The following MED28 variants were observed in gnomAD, a reference collection of about 807,000 sequenced individuals.
MED28 encodes the protein mediator complex subunit 28.
MED28 carries 26 observed loss-of-function variants against 21.3 expected under a neutral mutation model. The ratio of observed to expected loss-of-function variants is 1.22; its 90% CI spans 0.89 to 1.69. The LOEUF is 1.69. Among genes scored for constraint, MED28 ranks in the 40% most tolerant of loss-of-function variants. The pLI is 0.00. For missense variants in MED28, 257 were observed against 215.4 expected (o/e 1.19, Z -1.21); for synonymous variants, 110 against 87.6 (o/e 1.26, Z -1.43).
intron 2 of MED28, 130 bp downstream of exon 2, chr4:17,620,097 C>A: frequency 2.5e-6 from 2 of 802,178 alleles, no homozygotes; most frequent in Non-Finnish European, 2.1e-6. Flanking sequence ...AATGTGTGCA[C>A]ATAATCTCTA....
rs1447209452 is a variant in MED28 at position 17,630,278 on chromosome 4, C to T, written c.*6480C>T. The T allele has an allele frequency of 6.6e-6, 1 of 152,136 alleles. No individual in the cohort carries two copies. The highest frequency in any genetic ancestry group is 1.5e-5 in the Non-Finnish European group (1 of 68,022). 9.4% of individuals were successfully genotyped at this position (152,136 alleles called of 1,614,324 possible). On this transcript the variant is annotated 3_prime_UTR_variant, in exon 4 of 4. Transcript: ENST00000237380. Reference sequence around the variant, plus strand: ...TGCTATGTCCTGAATGTTGATGTCCCTTCCAAAATTCATATGTTGGAACCT... The same window carrying T: ...TGCTATGTCCTGAATGTTGATGTCCTTTCCAAAATTCATATGTTGGAACCT...
rs1714807438 is a variant in MED28 at position 17,627,827 on chromosome 4, TCAAAAAA to T, written c.*4030_*4036del. The stretch of plus-strand genomic sequence containing the variant: ...CTGGGTGACAGAGTAAGACTTCGTC[TCAAAAAA>T]TAAAAAATAAAAAAATACTGAGCAG... On this transcript the variant is annotated 3_prime_UTR_variant, in exon 4 of 4. Transcript: ENST00000237380. 1 of 152,268 alleles carries T rather than the reference TCAAAAAA, an allele frequency of 6.6e-6. No individual in the cohort carries two copies. Among genetic ancestry groups the T allele is most frequent in the African/African-American group, 2.4e-5 (1 of 41,420 alleles). The allele number at this position is 152,268 out of a possible 1,614,324, so 9.4% of individuals were successfully genotyped here.
rs1714880992 is a variant in MED28, at chr4:17,630,167, G to C, written c.*6369G>C. 1 of 152,168 alleles carries C rather than the reference G, an allele frequency of 6.6e-6. No homozygotes were observed. The highest frequency in any genetic ancestry group is 2.4e-5 in the African/African-American group (1 of 41,436). 9.4% of individuals were successfully genotyped at this position (152,168 alleles called of 1,614,324 possible). A position where few individuals can be genotyped will look rare whatever the true frequency, so the allele number is the denominator to read the frequency against. On this transcript the variant is annotated 3_prime_UTR_variant, in exon 4 of 4. Coordinates refer to ENST00000237380, the MANE Select transcript of MED28 (RefSeq NM_025205.5). ...GACAGAAATGCAAAGTGCAGCCTGG[G>C]AAAGTGTTTCAACACACAAAAATAG...
rs1172866788 is a variant in MED28 at position 17,625,287 on chromosome 4, G to GTA, written c.*1493_*1494dup. ...TATAATCTGTATCTTTTTGGTGTGT[G>GTA]TATATGGTATCTGGCACATGGATCT... On this transcript the variant is annotated 3_prime_UTR_variant, in exon 4 of 4. Transcript: ENST00000237380. 3 of 173,162 alleles carry GTA rather than the reference G, an allele frequency of 1.7e-5. No homozygotes were observed. The highest frequency in any genetic ancestry group is 3.7e-5 in the Non-Finnish European group (3 of 81,604). 10.7% of individuals were successfully genotyped at this position (173,162 alleles called of 1,614,324 possible).
Position 17,619,897 on chromosome 4 carries a change from A to C in MED28, c.160-4A>C. 1 of 1,613,738 alleles carries C rather than the reference A, an allele frequency of 6.2e-7. No homozygotes were observed. The highest frequency in any genetic ancestry group is 1.3e-5 in the African/African-American group (1 of 75,028). ...TTTTTCTTTCCTATGTTTTGATTAC[A>C]CAGGCTTGCTTTGCATCTCTGGTGA... On this transcript the variant is annotated splice_region_variant and splice_polypyrimidine_tract_variant and intron_variant, in intron 1 of 3. Coordinates refer to ENST00000237380, the MANE Select transcript of MED28 (RefSeq NM_025205.5).
chr4:17,632,454 G>A lies in MED28; in HGVS notation c.*8656G>A. On this transcript the variant is annotated 3_prime_UTR_variant, in exon 4 of 4. Transcript: ENST00000237380. ...TAAGCATATTATTTGGTTGGTTGGT[G>A]TTAGTTCATTCCTTCAATCGGATGA... is the stretch of plus-strand genomic sequence containing the variant. 2 of 1,231,744 alleles carry A rather than the reference G, an allele frequency of 1.6e-6. No individual in the cohort carries two copies. Among genetic ancestry groups the A allele is most frequent in the Non-Finnish European group, 1.1e-6 (1 of 874,346 alleles). 76.3% of individuals were successfully genotyped at this position (1,231,744 alleles called of 1,614,324 possible).
intron 1 of MED28, among the ~76,000 whole-genome samples, chr4:17,617,089 G>C (rs1714474528): frequency 6.6e-6 from 1 of 152,208 alleles, no homozygotes; most frequent in Non-Finnish European, 1.5e-5. Context: ...CATCAAAGAA[G>C]GCTTCCCAGA....
In MED28 at chr4:17,621,391, G is replaced by A. The variant is rs139189586; in HGVS notation, c.227-196G>A. Among the ~76,000 whole-genome samples, 572 of 151,780 alleles carry A rather than the reference G, an allele frequency of 3.8e-3. 7 individuals are homozygous for A. Among genetic ancestry groups the A allele is most frequent in the South Asian group, 0.026 (127 of 4,804 alleles). ...TCTTTTTTTTTTTAACCTGAGAAAA[G>A]CATAACTTATCTGCTGTTTAATGTT... On this transcript the variant is annotated intron_variant, in intron 2 of 3. Transcript: ENST00000237380.
At position 17,625,235 on chromosome 4, in the gene MED28, T is replaced by G. The variant is rs947720587; in HGVS notation, c.*1437T>G. 2.6e-5 allele frequency: 4 copies of G among 153,998 alleles called. No individual in the cohort carries two copies. Among genetic ancestry groups the G allele is most frequent in the African/African-American group, 9.6e-5 (4 of 41,476 alleles). 9.5% of individuals were successfully genotyped at this position (153,998 alleles called of 1,614,324 possible). A position where few individuals can be genotyped will look rare whatever the true frequency, so the allele number is the denominator to read the frequency against. ...ATTCTACACCCATGAGAATTAGACA[T>G]TATTCTCCTTAAATATATAAGGACC... On this transcript the variant is annotated 3_prime_UTR_variant, in exon 4 of 4. Coordinates refer to ENST00000237380, the MANE Select transcript of MED28 (RefSeq NM_025205.5).
rs528186173 is a variant in MED28, at chr4:17,631,361, C to G, written c.*7563C>G. 3 of 152,230 alleles carry G rather than the reference C, an allele frequency of 2.0e-5. No homozygotes were observed. The highest frequency in any genetic ancestry group is 4.4e-5 in the Non-Finnish European group (3 of 68,142). 9.4% of individuals were successfully genotyped at this position (152,230 alleles called of 1,614,324 possible). ...TATTTTTTTGTAGAGATGGAGGTCT[C>G]GCTGTGTTGCCCAGGCTGGTCTCAA... On this transcript the variant is annotated 3_prime_UTR_variant, in exon 4 of 4. Coordinates refer to ENST00000237380, the MANE Select transcript of MED28 (RefSeq NM_025205.5).
At chr4:17,616,437 C>T (rs1156461496) in intron 1 of MED28, among the ~76,000 whole-genome samples, 1 of 152,146 alleles carries the variant, frequency 6.6e-6, no homozygotes, top group Non-Finnish European at 1.5e-5. Flanking sequence ...CAAGTCTTAG[C>T]CAAAGTTGAC....
intron 1 of MED28, among the ~76,000 whole-genome samples, chr4:17,615,616 C>G (rs1217077772): frequency 1.3e-5 from 2 of 152,054 alleles, no homozygotes; most frequent in African/African-American, 4.8e-5. Flanking sequence ...TCGAGACCAG[C>G]CTGACCAACA....
intron 1 of MED28, among the ~76,000 whole-genome samples, chr4:17,617,538 G>A (rs988878041): frequency 1.3e-5 from 2 of 152,202 alleles, no homozygotes; most frequent in Admixed American, 6.5e-5. Context: ...AAAGCCAGCC[G>A]TTGGGTTTGT....
chr4:17,617,658 G>A (rs564930151), intron 1 of MED28, among the ~76,000 whole-genome samples: 1 of 152,298 alleles, frequency 6.6e-6, no homozygotes, highest in Non-Finnish European at 1.5e-5. Context: ...TGTAATCCCA[G>A]CACTTTGGGA....
Position 17,632,434 on chromosome 4 carries a change from ATAT to A in MED28, c.*8641_*8643del. Reference sequence around the variant, plus strand: ...TAGCTATCATATATAAATCATAAGCATATTATTTGGTTGGTTGGTGTTAGTTCA... The same window carrying A: ...TAGCTATCATATATAAATCATAAGCATATTTGGTTGGTTGGTGTTAGTTCA... On this transcript the variant is annotated 3_prime_UTR_variant, in exon 4 of 4. Coordinates refer to ENST00000237380, the MANE Select transcript of MED28 (RefSeq NM_025205.5). 1.0e-6 allele frequency: 1 copy of A among 997,426 alleles called. No homozygotes were observed. The highest frequency in any genetic ancestry group is 1.5e-6 in the Non-Finnish European group (1 of 674,566). 61.8% of individuals were successfully genotyped at this position (997,426 alleles called of 1,614,324 possible). A position where few individuals can be genotyped will look rare whatever the true frequency, so the allele number is the denominator to read the frequency against.
chr4:17,621,830 G>A, intron 3 of MED28, 131 bp downstream of exon 3: 1 of 665,248 alleles, frequency 1.5e-6, no homozygotes, highest in Non-Finnish European at 2.6e-6. Context: ...TGTGAAATGT[G>A]GCTAGTCATC....
rs1306826305 is a variant in MED28 at position 17,631,541 on chromosome 4, C to T, written c.*7743C>T. 6.6e-6 allele frequency: 1 copy of T among 152,224 alleles called. No individual in the cohort carries two copies. The highest frequency in any genetic ancestry group is 1.5e-5 in the Non-Finnish European group (1 of 68,040). The allele number at this position is 152,224 out of a possible 1,614,324, so 9.4% of individuals were successfully genotyped here. A position where few individuals can be genotyped will look rare whatever the true frequency, so the allele number is the denominator to read the frequency against. On this transcript the variant is annotated 3_prime_UTR_variant, in exon 4 of 4. Transcript: ENST00000237380. ...TCATGTTGGCACTATGGTCATTACA[C>T]TGAGACCTATAACTGGGCTAGGATT...
At chr4:17,620,915 C>T (rs746570620) in intron 2 of MED28, among the ~76,000 whole-genome samples, 66 of 151,724 alleles carry the variant, frequency 4.4e-4, no homozygotes, top group Non-Finnish European at 1.6e-4. Flanking sequence ...GCTGTATTGC[C>T]CAGGCTGGTC....
intron 1 of MED28, among the ~76,000 whole-genome samples, chr4:17,615,849 A>G (rs1247129280): frequency 6.7e-6 from 1 of 150,072 alleles, no homozygotes; most frequent in African/African-American, 2.5e-5. Context: ...AAAAATCCCA[A>G]CTTTGTGACT....
Sources: allele counts gnomAD v4.1 joint callset (sites outside exome capture counted in the v4.1 genomes callset), GRCh38; gene constraint gnomAD v4.1.1; transcripts MANE v1.5; gene names NCBI Gene and HGNC (gene_info 2026-07-23, HGNC 2026-07-21).